The following RBFOX1 variants were observed in gnomAD, a reference collection of about 807,000 sequenced individuals.
RBFOX1 encodes the protein RNA binding protein fox-1 homolog 1.
RBFOX1 carries 8 observed loss-of-function variants against 57.7 expected under a neutral mutation model. The ratio of observed to expected loss-of-function variants is 0.14; its 90% CI spans 0.08 to 0.25. The LOEUF (loss-of-function observed/expected upper bound fraction) is 0.25. RBFOX1 is among the 10% of genes least tolerant of loss of function. The pLI is 1.00. For synonymous variants in RBFOX1, 326 were observed against 222.4 expected (o/e 1.47, Z -4.15); for missense variants, 611 against 548.5 (o/e 1.11, Z -1.14).
At chr16:6,373,576 AT>A (rs2090778001) in intron 2 of RBFOX1, among the ~76,000 whole-genome samples, 1 of 151,558 alleles carries the variant, frequency 6.6e-6, no homozygotes, top group African/African-American at 2.4e-5. Flanking sequence ...TAGAATGGAG[AT>A]TGGGTGGAAG....
chr16:7,064,704 C>T (rs1714673964), intron 4 of RBFOX1, among the ~76,000 whole-genome samples: 1 of 152,158 alleles, frequency 6.6e-6, no homozygotes, highest in African/African-American at 2.4e-5. Flanking sequence ...AGCAAACGCA[C>T]ATCTAAACCT....
rs368432286 is a variant in RBFOX1 at position 5,881,004 on chromosome 16, G to C, written c.351+13669G>C. ...ACTAAAATATCTGTGATTTCTCTTGGTGACAAAGTCACAGGTACTTGTAAT... is the reference window on the plus strand; with the variant it reads ...ACTAAAATATCTGTGATTTCTCTTGCTGACAAAGTCACAGGTACTTGTAAT... On this transcript the variant is annotated intron_variant, in intron 4 of 19. Coordinates refer to the RBFOX1 transcript ENST00000641259. 1.6e-4 allele frequency among the ~76,000 whole-genome samples: 24 copies of C among 152,258 alleles called. 1 individual carries two copies. The South Asian group carries it at 5.0e-3, about 32-fold the overall frequency.
chr16:7,389,918 T>C (rs1010304513), intron 4 of RBFOX1, among the ~76,000 whole-genome samples: 1 of 152,138 alleles, frequency 6.6e-6, no homozygotes, highest in Admixed American at 6.5e-5. Context: ...CATACTGTTA[T>C]AAAGAGATAC....
At chr16:5,446,388 C>G (rs953214154) in intron 1 of RBFOX1, among the ~76,000 whole-genome samples, 1 of 152,140 alleles carries the variant, frequency 6.6e-6, no homozygotes, top group Non-Finnish European at 1.5e-5. Flanking sequence ...TTCAAACATG[C>G]TCACTGGAAA....
At position 7,221,151 on chromosome 16, in the gene RBFOX1, A is replaced by G. The variant is rs74725312; in HGVS notation, c.27+169053A>G. Among the ~76,000 whole-genome samples the G allele has an allele frequency of 7.2e-5, 11 of 152,208 alleles. No homozygotes were observed. The East Asian group carries it at 1.9e-3, about 27-fold the overall frequency. On this transcript the variant is annotated intron_variant, in intron 4 of 15. Transcript: ENST00000550418. ...TGGTGGCTTATACTTGAATGTCTCTATAATATCTCCCTGTGTATTTTAGAG... is the reference window on the plus strand; with the variant it reads ...TGGTGGCTTATACTTGAATGTCTCTGTAATATCTCCCTGTGTATTTTAGAG...
At chr16:6,885,659 G>A (rs887713917) in intron 3 of RBFOX1, among the ~76,000 whole-genome samples, 1 of 151,956 alleles carries the variant, frequency 6.6e-6, no homozygotes, top group Non-Finnish European at 1.5e-5. Flanking sequence ...AGCCTCCCTA[G>A]TAGCTGGGAT....
intron 2 of RBFOX1, among the ~76,000 whole-genome samples, chr16:6,369,917 C>A (rs1273946777): frequency 1.3e-5 from 2 of 152,216 alleles, no homozygotes; most frequent in Non-Finnish European, 2.9e-5. Flanking sequence ...TCAATTGTCC[C>A]AATAATGACC....
intron 14 of RBFOX1, among the ~76,000 whole-genome samples, chr16:7,697,119 G>C (rs1461993671): frequency 6.6e-6 from 1 of 152,176 alleles, no homozygotes; most frequent in Non-Finnish European, 1.5e-5. Flanking sequence ...GCTTTGTGGA[G>C]ACCAAACTGC....
chr16:5,890,697 G>GAAAAAA (rs71404558), intron 4 of RBFOX1, among the ~76,000 whole-genome samples: 4 of 61,498 alleles, frequency 6.5e-5, no homozygotes, highest in Admixed American at 2.4e-4. Context: ...AGTCTGTATT[G>GAAAAAA]AAAAAAAAAA....
At chr16:6,311,255 C>G (rs1191432352) in intron 1 of RBFOX1, among the ~76,000 whole-genome samples, 1 of 142,746 alleles carries the variant, frequency 7.0e-6, no homozygotes, top group African/African-American at 2.6e-5. Context: ...GAGATCGTGC[C>G]ACCGTACTCC....
chr16:6,367,921 A>T (rs2089896482), intron 2 of RBFOX1, among the ~76,000 whole-genome samples: 1 of 152,174 alleles, frequency 6.6e-6, no homozygotes, highest in Non-Finnish European at 1.5e-5. Context: ...TTCCAACTTA[A>T]CTTTTTGCCC....
chr16:7,215,266 C>G (rs1603275733), intron 4 of RBFOX1, among the ~76,000 whole-genome samples: 1 of 152,168 alleles, frequency 6.6e-6, no homozygotes, highest in East Asian at 1.9e-4. Context: ...GTGGCAATTC[C>G]TGAAGGATCT....
At chr16:7,027,254 G>C (rs1429698354) in intron 3 of RBFOX1, among the ~76,000 whole-genome samples, 1 of 152,176 alleles carries the variant, frequency 6.6e-6, no homozygotes, top group Non-Finnish European at 1.5e-5. Context: ...TAATAAACAA[G>C]TAAATGAATA....
intron 4 of RBFOX1, among the ~76,000 whole-genome samples, chr16:7,175,039 T>C (rs900101056): frequency 2.6e-5 from 4 of 152,090 alleles, no homozygotes; most frequent in Non-Finnish European, 5.9e-5. Context: ...TCTTTATGTT[T>C]GTTTATTTTT....
chr16:6,845,541 G>A (rs1431948154), intron 3 of RBFOX1, among the ~76,000 whole-genome samples: 1 of 152,104 alleles, frequency 6.6e-6, no homozygotes, highest in East Asian at 1.9e-4. Context: ...TGGTCGTTGT[G>A]TCTGTTTTTG....
chr16:6,048,816 T>A (rs890062114), intron 1 of RBFOX1, among the ~76,000 whole-genome samples: 1 of 152,164 alleles, frequency 6.6e-6, no homozygotes, highest in Non-Finnish European at 1.5e-5. Flanking sequence ...TTTAAAGACA[T>A]AGCGTTATTC....
At chr16:6,409,178 C>T (rs919678873) in intron 2 of RBFOX1, among the ~76,000 whole-genome samples, 7 of 152,098 alleles carry the variant, frequency 4.6e-5, no homozygotes, top group Non-Finnish European at 8.8e-5. Flanking sequence ...TTGTGGGAGG[C>T]CAAGGCAGGT....
At chr16:7,122,962 G>A (rs1337248175) in intron 4 of RBFOX1, among the ~76,000 whole-genome samples, 2 of 151,952 alleles carry the variant, frequency 1.3e-5, no homozygotes, top group Admixed American at 6.6e-5. Flanking sequence ...ATGACATAGT[G>A]TATAAATCCA....
intron 3 of RBFOX1, among the ~76,000 whole-genome samples, chr16:5,793,452 C>G (rs555443043): frequency 8.5e-5 from 13 of 152,236 alleles, no homozygotes; most frequent in Admixed American, 3.9e-4. Context: ...GCTGGGGGAC[C>G]GGCTTCATGC....
Sources: gnomAD v4.1 joint callset for allele counts (sites outside exome capture counted in the v4.1 genomes callset) on GRCh38, gnomAD v4.1.1 for gene constraint, MANE v1.5 for transcripts, NCBI Gene and HGNC (gene_info 2026-07-23, HGNC 2026-07-21) for gene names.